The following CDH13 variants were observed in gnomAD, a reference collection of about 807,000 sequenced individuals.
CDH13 encodes the protein cadherin 13, also known as cadherin-13.
Under a neutral mutation model 63.8 loss-of-function variants are expected in CDH13, and 24 were observed. The observed-to-expected ratio is 0.38, with a 90% CI of 0.27 to 0.53. CDH13 has a LOEUF of 0.53. Ranked by LOEUF, CDH13 falls within the 20% of genes least tolerant of loss-of-function variation. CDH13 has a pLI of 0.85. For missense variants in CDH13, 1,049 were observed against 903.1 expected (o/e 1.16, Z -2.07); for synonymous variants, 503 against 355.3 (o/e 1.42, Z -4.67).
In CDH13 at chr16:82,695,020, G is replaced by A. The variant is rs911957539; in HGVS notation, c.45+67883G>A. ...TGTGTGGGGAGGGTGGAGACAGGAG[G>A]CAGTGGAGGAGCTAAGTATCCCAAG... On this transcript the variant is annotated intron_variant, in intron 1 of 13. Coordinates refer to ENST00000567109, the MANE Select transcript of CDH13 (RefSeq NM_001257.5). Among the ~76,000 whole-genome samples the A allele has an allele frequency of 2.0e-5, 3 of 152,242 alleles. No homozygotes were observed. In the South Asian group the frequency reaches 6.2e-4, roughly 32 times the overall value.
intron 5 of CDH13, among the ~76,000 whole-genome samples, chr16:83,281,902 G>C (rs1325008506): frequency 1.3e-5 from 2 of 152,152 alleles, no homozygotes; most frequent in East Asian, 3.9e-4. Flanking sequence ...AACAGAGCGG[G>C]ACTCCGTTTC....
chr16:83,707,836 C>CAAAAAAAAA lies in CDH13; in HGVS notation c.1538+29389_1538+29397dup, dbSNP rs61067563. On this transcript the variant is annotated intron_variant, in intron 10 of 13. Transcript: ENST00000567109. ...CATCTTTGGTGAGAGACCCTAAAGG[C>CAAAAAAAAA]AAAAAAAAAAAAAAAAAAAAAAGAG... 1.1e-3 allele frequency among the ~76,000 whole-genome samples: 90 copies of CAAAAAAAAA among 78,836 alleles called. 4 individuals are homozygous for CAAAAAAAAA. The highest frequency in any genetic ancestry group is 3.8e-3 in the African/African-American group (75 of 19,966). The allele number at this position is 78,836 out of a possible 152,430, so 51.7% of individuals were successfully genotyped here.
intron 5 of CDH13, among the ~76,000 whole-genome samples, chr16:83,307,349 A>T (rs547359008): frequency 2.0e-5 from 3 of 152,304 alleles, no homozygotes; most frequent in Middle Eastern, 6.8e-3. Flanking sequence ...TCTCCTGGGA[A>T]GATAAAGGTC....
chr16:83,027,272 C>T (rs1431847538), intron 2 of CDH13, among the ~76,000 whole-genome samples: 3 of 152,188 alleles, frequency 2.0e-5, no homozygotes, highest in Admixed American at 1.3e-4. Context: ...GACTCAATTT[C>T]TGCTCTTGGT....
chr16:83,407,581 A>G lies in CDH13; in HGVS notation c.781+62575A>G, dbSNP rs530843270. ...AGTGATTCATTAATCTCCTTAGCCTATAATTGCAAATTGAGTTTTCTTTCA... is the reference window on the plus strand; with the variant it reads ...AGTGATTCATTAATCTCCTTAGCCTGTAATTGCAAATTGAGTTTTCTTTCA... On this transcript the variant is annotated intron_variant, in intron 6 of 13. Coordinates refer to ENST00000567109, the MANE Select transcript of CDH13 (RefSeq NM_001257.5). Among the ~76,000 whole-genome samples the G allele has an allele frequency of 4.6e-5, 7 of 152,350 alleles. No homozygotes were observed. The East Asian group carries it at 9.6e-4, about 21-fold the overall frequency.
chr16:83,134,455 G>T (rs1176534260), intron 4 of CDH13, among the ~76,000 whole-genome samples: 1 of 151,886 alleles, frequency 6.6e-6, no homozygotes, highest in Admixed American at 6.6e-5. Flanking sequence ...CTCCCAAAGT[G>T]CTGGGATTAC....
chr16:83,076,034 C>G (rs2032810217), intron 3 of CDH13, among the ~76,000 whole-genome samples: 2 of 152,116 alleles, frequency 1.3e-5, no homozygotes, highest in Non-Finnish European at 2.9e-5. Context: ...TGGCTGAAAG[C>G]TGACAAATGG....
chr16:83,340,987 G>T (rs2090709142), intron 5 of CDH13, among the ~76,000 whole-genome samples: 1 of 152,126 alleles, frequency 6.6e-6, no homozygotes, highest in South Asian at 2.1e-4. Context: ...ATGAGGGCCT[G>T]GGTGGTTTCC....
At chr16:83,239,524 C>T (rs1013404421) in intron 5 of CDH13, among the ~76,000 whole-genome samples, 1 of 88,140 alleles carries the variant, frequency 1.1e-5, no homozygotes, top group African/African-American at 4.5e-5. Context: ...TAATTGTCTG[C>T]AGGTGCATTT....
Position 82,907,915 on chromosome 16 carries a change from A to T in CDH13, c.157+49442A>T, listed in dbSNP as rs542094738. ...GGGCTGAGCCCTCCAAATTACTTTT[A>T]AAAAATTAGCTTCTTCAAAAAATTT... On this transcript the variant is annotated intron_variant, in intron 2 of 13. Transcript: ENST00000567109. 1.1e-4 allele frequency among the ~76,000 whole-genome samples: 17 copies of T among 152,280 alleles called. 1 individual carries two copies. The South Asian group carries it at 3.3e-3, about 30-fold the overall frequency.
intron 7 of CDH13, among the ~76,000 whole-genome samples, chr16:83,598,156 A>C (rs911509307): frequency 5.3e-5 from 8 of 152,184 alleles, no homozygotes; most frequent in African/African-American, 1.9e-4. Context: ...GCTTGAGCTA[A>C]GGAGTTCAGG....
chr16:83,628,734 G>C (rs1598391514), intron 8 of CDH13, among the ~76,000 whole-genome samples: 2 of 152,154 alleles, frequency 1.3e-5, no homozygotes, highest in Admixed American at 1.3e-4. Context: ...CTGGGCCCGT[G>C]TTATTCATGG....
Position 83,425,260 on chromosome 16 carries a change from C to A in CDH13, c.782-61217C>A, listed in dbSNP as rs549999167. Among the ~76,000 whole-genome samples the A allele has an allele frequency of 2.0e-5, 3 of 152,164 alleles. No homozygotes were observed. The East Asian group carries it at 5.8e-4, about 29-fold the overall frequency. ...GATGACTTGGGAATTAAATGGGACC[C>A]AATATGTCATCTAACGTTAGTTCCA... is the stretch of plus-strand genomic sequence containing the variant. On this transcript the variant is annotated intron_variant, in intron 6 of 13. Transcript: ENST00000567109.
At position 83,032,215 on chromosome 16, in the gene CDH13, G is replaced by T. The variant is rs748842714; in HGVS notation, c.363G>T (p.Leu121Phe). The T allele has an allele frequency of 1.9e-6, 3 of 1,612,590 alleles. No homozygotes were observed. The highest frequency in any genetic ancestry group is 2.2e-5 in the South Asian group (2 of 90,950). ...IVGGKDIQGS[L>F]QDIFKFARTS... is the part of the protein sequence containing the mutation. The stretch of plus-strand genomic sequence containing the variant: ...GGGGGAAAGACATCCAGGGCTCCTT[G>T]CAGGTAACACATCTGTTTGAGATAA... The change falls in exon 3 of 14, where the codon TTG becomes TTT. Residue 121 changes from leucine to phenylalanine, a missense_variant. Physicochemically the swap from Leu to Phe is conservative, Grantham distance 22. Transcript: ENST00000567109.
rs1421574246 is a variant in CDH13 at position 83,136,930 on chromosome 16, C to T, written c.483+11429C>T. Among the ~76,000 whole-genome samples, 5 of 152,210 alleles carry T rather than the reference C, an allele frequency of 3.3e-5. No individual in the cohort carries two copies. In the East Asian group the frequency reaches 9.6e-4, roughly 29 times the overall value. The stretch of plus-strand genomic sequence containing the variant: ...TTGCAGCTACTTTGGCATAAATTCT[C>T]CCACAGCGGCCAGTTTCAAGCTAGC... On this transcript the variant is annotated intron_variant, in intron 4 of 13. Coordinates refer to ENST00000567109, the MANE Select transcript of CDH13 (RefSeq NM_001257.5).
At chr16:83,308,287 C>T (rs1255239159) in intron 5 of CDH13, among the ~76,000 whole-genome samples, 1 of 152,090 alleles carries the variant, frequency 6.6e-6, no homozygotes, top group Non-Finnish European at 1.5e-5. Context: ...TGACCTGGCT[C>T]ATGAAGGGGT....
intron 1 of CDH13, among the ~76,000 whole-genome samples, chr16:82,856,444 G>A (rs2039697560): frequency 6.6e-6 from 1 of 150,498 alleles, no homozygotes; most frequent in Admixed American, 6.6e-5. Context: ...GCTCACGCCT[G>A]TAGTCTTGGC....
At chr16:82,925,397 C>T (rs1190934618) in intron 2 of CDH13, among the ~76,000 whole-genome samples, 1 of 152,196 alleles carries the variant, frequency 6.6e-6, no homozygotes, top group Non-Finnish European at 1.5e-5. Flanking sequence ...AGCTGGTAAT[C>T]AGCCATGGCA....
chr16:82,881,501 A>G (rs1442033018), intron 2 of CDH13, among the ~76,000 whole-genome samples: 1 of 152,110 alleles, frequency 6.6e-6, no homozygotes, highest in Non-Finnish European at 1.5e-5. Flanking sequence ...CTGTTTTTGG[A>G]TGTGGGCTGT....
Sources: gnomAD v4.1 joint callset for allele counts (sites outside exome capture counted in the v4.1 genomes callset) on GRCh38, gnomAD v4.1.1 for gene constraint, MANE v1.5 for transcripts, NCBI Gene and HGNC (gene_info 2026-07-23, HGNC 2026-07-21) for gene names.